NRXN3: variants seen among roughly 807,000 people sequenced by gnomAD.
NRXN3 encodes neurexin 3, also known as neurexin III.
Under a neutral mutation model 137.6 loss-of-function variants are expected in NRXN3, and 32 were observed. That is an observed-to-expected ratio of 0.23 (90% CI 0.18 to 0.31). The LOEUF is 0.31. Among genes scored for constraint, NRXN3 ranks in the 10% least tolerant of loss-of-function variants. The pLI is 1.00. For synonymous variants in NRXN3, 798 were observed against 784.5 expected (o/e 1.02, Z -0.29); for missense variants, 1,574 against 2,062.5 (o/e 0.76, Z 4.59).
At chr14:79,600,437 A>C (rs748898343) in intron 16 of NRXN3, among the ~76,000 whole-genome samples, 1 of 152,248 alleles carries the variant, frequency 6.6e-6, no homozygotes, top group African/African-American at 2.4e-5. Context: ...TGAAGGAGAA[A>C]GTATCACAGC....
intron 20 of NRXN3, among the ~76,000 whole-genome samples, chr14:79,825,774 A>G (rs2099296163): frequency 1.3e-5 from 2 of 152,138 alleles, no homozygotes; most frequent in African/African-American, 4.8e-5. Context: ...CTCACAACCC[A>G]GATCTTAAAA....
chr14:79,784,614 C>CTTTTT (rs540234381), intron 19 of NRXN3, among the ~76,000 whole-genome samples: 3 of 76,592 alleles, frequency 3.9e-5, no homozygotes, highest in South Asian at 5.5e-4. Flanking sequence ...TGTTGTGTTG[C>CTTTTT]TTTTTTTTTT....
chr14:79,794,189 C>G (rs2099154020), intron 19 of NRXN3, among the ~76,000 whole-genome samples: 1 of 151,964 alleles, frequency 6.6e-6, no homozygotes, highest in African/African-American at 2.4e-5. Flanking sequence ...ATGGTGAAAC[C>G]CCGTCTCTAC....
intron 19 of NRXN3, among the ~76,000 whole-genome samples, chr14:79,713,743 T>G (rs2098814235): frequency 6.6e-6 from 1 of 151,258 alleles, no homozygotes; most frequent in Admixed American, 6.6e-5. Flanking sequence ...CCTTATTTTT[T>G]TTTTCAGTTT....
At chr14:78,266,789 AAAG>A (rs2071822466) in intron 2 of NRXN3, among the ~76,000 whole-genome samples, 2 of 152,170 alleles carry the variant, frequency 1.3e-5, no homozygotes, top group South Asian at 4.1e-4. Flanking sequence ...CTTACTTTAC[AAAG>A]AAGAAGAAAT....
chr14:79,379,545 G>A (rs564581317), intron 15 of NRXN3, among the ~76,000 whole-genome samples: 81 of 152,202 alleles, frequency 5.3e-4, no homozygotes, highest in African/African-American at 1.9e-3. Flanking sequence ...GTATCTAAAA[G>A]GCCTCTCCCA....
intron 4 of NRXN3, among the ~76,000 whole-genome samples, chr14:78,633,215 A>G (rs147223861): frequency 0.01 from 1,478 of 144,738 alleles, 28 homozygotes; most frequent in African/African-American, 0.038. Flanking sequence ...AGATCGCGCC[A>G]CTGCACTCAG....
At chr14:78,775,282 G>A (rs1003663450) in intron 8 of NRXN3, among the ~76,000 whole-genome samples, 9 of 152,118 alleles carry the variant, frequency 5.9e-5, no homozygotes, top group African/African-American at 1.9e-4. Context: ...TTAGTAGAAG[G>A]CCTCAGCATC....
chr14:79,064,737 A>ATG (rs377665426), intron 15 of NRXN3, among the ~76,000 whole-genome samples: 12,908 of 64,154 alleles, frequency 0.2, 705 homozygotes, highest in Non-Finnish European at 0.3. Flanking sequence ...ATATATGTAT[A>ATG]TGTATATATA....
intron 19 of NRXN3, among the ~76,000 whole-genome samples, chr14:79,737,807 G>A (rs1420424704): frequency 1.3e-5 from 2 of 151,736 alleles, no homozygotes; most frequent in East Asian, 3.9e-4. Flanking sequence ...GTCCTCCCTG[G>A]TTGGCCTCTC....
chr14:79,523,464 G>T (rs2097089376), intron 16 of NRXN3, among the ~76,000 whole-genome samples: 1 of 151,838 alleles, frequency 6.6e-6, no homozygotes. Flanking sequence ...CCCTGAAAAT[G>T]TAGTGATGGA....
At position 79,679,637 on chromosome 14, in the gene NRXN3, T is replaced by C. The variant is rs140269734; in HGVS notation, c.3617-12536T>C. ...TAAGGAGGGAATTATAGAAGTAGAA[T>C]GGAGTAAAAAGCTTAAAAAAGAAAA... On this transcript the variant is annotated intron_variant, in intron 17 of 20. Transcript: ENST00000335750. Among the ~76,000 whole-genome samples the C allele has an allele frequency of 1.5e-3, 231 of 152,180 alleles. 1 individual carries two copies. Among genetic ancestry groups the C allele is most frequent in the African/African-American group, 5.0e-3 (206 of 41,558 alleles).
chr14:78,251,393 C>T (rs1024727926), intron 2 of NRXN3, among the ~76,000 whole-genome samples: 14 of 152,290 alleles, frequency 9.2e-5, no homozygotes, highest in East Asian at 7.7e-4. Flanking sequence ...CTCAGTTGCA[C>T]GGGTCCCTTC....
At chr14:78,468,994 G>T (rs550982842) in intron 4 of NRXN3, among the ~76,000 whole-genome samples, 1 of 152,096 alleles carries the variant, frequency 6.6e-6, no homozygotes, top group East Asian at 1.9e-4. Flanking sequence ...GGGGCCTGGG[G>T]CATGGGAGAG....
chr14:78,997,948 G>A (rs2099533378), intron 15 of NRXN3, among the ~76,000 whole-genome samples: 1 of 152,124 alleles, frequency 6.6e-6, no homozygotes, highest in Non-Finnish European at 1.5e-5. Context: ...CTGCATTCTA[G>A]CCAGCTGAGA....
intron 15 of NRXN3, among the ~76,000 whole-genome samples, chr14:79,120,312 C>G (rs1205643374): frequency 1.3e-5 from 2 of 152,022 alleles, no homozygotes; most frequent in African/African-American, 4.8e-5. Flanking sequence ...TTGATTGTGG[C>G]CATGGTGCAC....
intron 10 of NRXN3, among the ~76,000 whole-genome samples, chr14:78,947,563 G>A (rs1012990523): frequency 1.3e-5 from 2 of 152,156 alleles, no homozygotes; most frequent in Admixed American, 6.5e-5. Context: ...AAGAATGATC[G>A]TAACCTCATT....
At chr14:79,817,625 A>T (rs2099255744) in intron 20 of NRXN3, among the ~76,000 whole-genome samples, 1 of 152,232 alleles carries the variant, frequency 6.6e-6, no homozygotes, top group Admixed American at 6.5e-5. Flanking sequence ...CAAATTATCA[A>T]GGTCACACAG....
chr14:79,658,560 C>G (rs2098517722), intron 16 of NRXN3, among the ~76,000 whole-genome samples: 1 of 152,170 alleles, frequency 6.6e-6, no homozygotes, highest in Non-Finnish European at 1.5e-5. Flanking sequence ...TAACACTGTT[C>G]TCTTGGCCCA....
Sources: gnomAD v4.1 joint callset for allele counts (sites outside exome capture counted in the v4.1 genomes callset) on GRCh38, gnomAD v4.1.1 for gene constraint, MANE v1.5 for transcripts, NCBI Gene and HGNC (gene_info 2026-07-23, HGNC 2026-07-21) for gene names.